The following MYO19 variants were observed in gnomAD, a reference collection of about 807,000 sequenced individuals.
MYO19 encodes unconventional myosin-XIX.
MYO19 carries 132 observed loss-of-function variants against 129.2 expected under a neutral mutation model. The observed-to-expected ratio is 1.02, with a 90% CI of 0.89 to 1.18. The LOEUF (loss-of-function observed/expected upper bound fraction) is 1.18. Among genes scored for constraint, MYO19 ranks in the 50% most tolerant of loss-of-function variants. MYO19 has a pLI of 0.00. For synonymous variants in MYO19, 531 were observed against 477.2 expected, an observed-to-expected ratio of 1.11 and a Z score of -1.47; for missense variants, 1,210 against 1,216.7, an observed-to-expected ratio of 0.99 and a Z score of 0.08.
intron 19 of MYO19, 25 bp downstream of exon 19, chr17:36,505,272 G>A: frequency 6.3e-7 from 1 of 1,599,700 alleles, no homozygotes; most frequent in South Asian, 1.1e-5. Context: ...TTGGTGCGAA[G>A]CAGCTTTGGC....
At chr17:36,505,830 C>G (rs1281959916) in intron 18 of MYO19, among the ~76,000 whole-genome samples, 1 of 152,242 alleles carries the variant, frequency 6.6e-6, no homozygotes, top group Admixed American at 6.5e-5. Context: ...CATGTCAGAG[C>G]TCACTCCAAT....
chr17:36,539,598 C>T (rs995673130), upstream of MYO19, among the ~76,000 whole-genome samples: 36 of 125,084 alleles, frequency 2.9e-4, no homozygotes, highest in Non-Finnish European at 5.3e-4. Flanking sequence ...ACAGTGAGAC[C>T]CTGTCTACAA....
intron 5 of MYO19, among the ~76,000 whole-genome samples, chr17:36,526,329 C>G (rs1404530394): frequency 6.6e-6 from 1 of 152,144 alleles, no homozygotes; most frequent in Non-Finnish European, 1.5e-5. Flanking sequence ...ACAAACAACC[C>G]TGGCTTTCTC....
upstream of MYO19, among the ~76,000 whole-genome samples, chr17:36,539,463 C>A (rs2074184047): frequency 2.0e-5 from 3 of 151,930 alleles, no homozygotes; most frequent in Admixed American, 1.3e-4. Flanking sequence ...TGAAGTCAGA[C>A]AGTTAAATGC....
chr17:36,511,842 C>T (rs1163327722), intron 11 of MYO19, among the ~76,000 whole-genome samples: 1 of 152,186 alleles, frequency 6.6e-6, no homozygotes, highest in Non-Finnish European at 1.5e-5. Context: ...GGGGGCAGGG[C>T]TGCTTCTGTG....
At chr17:36,506,417 G>C in intron 18 of MYO19, 39 bp downstream of exon 18, 1 of 1,613,064 alleles carries the variant, frequency 6.2e-7, no homozygotes, top group Non-Finnish European at 8.5e-7. Flanking sequence ...AGACCGTGGA[G>C]TTTGAACCAA....
At chr17:36,515,526 C>A (rs545439279) in intron 7 of MYO19, among the ~76,000 whole-genome samples, 1 of 152,350 alleles carries the variant, frequency 6.6e-6, no homozygotes, top group Admixed American at 6.5e-5. Flanking sequence ...AAACACTAAT[C>A]ACCTTGTATC....
upstream of MYO19, chr17:36,538,027 C>G: frequency 6.2e-7 from 1 of 1,614,096 alleles, no homozygotes; most frequent in Non-Finnish European, 8.5e-7. Context: ...ATAATCTCTA[C>G]CCTGGGGTAT....
At chr17:36,521,843 C>T (rs540236215) in intron 6 of MYO19, among the ~76,000 whole-genome samples, 48 of 151,648 alleles carry the variant, frequency 3.2e-4, no homozygotes, top group African/African-American at 1.1e-3. Context: ...TCATCTTGGC[C>T]AACATGGTGA....
chr17:36,515,748 C>A, intron 7 of MYO19, 110 bp downstream of exon 7: 1 of 1,249,980 alleles, frequency 8.0e-7, no homozygotes, highest in South Asian at 1.5e-5. Flanking sequence ...ATACACTCAT[C>A]CTCCACCCCC....
At chr17:36,504,196 C>G in intron 19 of MYO19, 176 bp from the exon 20 acceptor site, 1 of 524,884 alleles carries the variant, frequency 1.9e-6, no homozygotes, top group Non-Finnish European at 3.3e-6. Flanking sequence ...ACCTTGAAAA[C>G]AAATCTCCCA....
intron 6 of MYO19, among the ~76,000 whole-genome samples, chr17:36,517,625 T>C (rs1203905532): frequency 6.6e-6 from 1 of 152,192 alleles, no homozygotes. Flanking sequence ...ATTTTATTCA[T>C]CTTTACTTTT....
intron 5 of MYO19, among the ~76,000 whole-genome samples, chr17:36,526,701 A>G (rs1221557971): frequency 6.6e-6 from 1 of 152,176 alleles, no homozygotes; most frequent in South Asian, 2.1e-4. Flanking sequence ...AGCCTGGCCA[A>G]CATGGTGAAA....
intron 9 of MYO19, 82 bp downstream of exon 9, chr17:36,514,364 C>A: frequency 1.1e-6 from 1 of 878,634 alleles, no homozygotes; most frequent in Admixed American, 1.8e-5. Flanking sequence ...AGGTATGGAG[C>A]ATTCTGGGGA....
At position 36,503,119 on chromosome 17, in the gene MYO19, TGGGCTGTCG is replaced by T. The variant is rs768848078; in HGVS notation, c.2049_2057del (p.Asp684_Pro686del). The stretch of plus-strand genomic sequence containing the variant: ...CACCAGGGAGCCCTTTGGCAGGATA[TGGGCTGTCG>T]GGGCCAGAGGATGTGCAAGGATGAA... On this transcript the variant is annotated inframe_deletion, in exon 21 of 26. Transcript: ENST00000614623. 2.5e-4 allele frequency: 402 copies of T among 1,614,008 alleles called. 1 individual carries two copies. Among genetic ancestry groups the T allele is most frequent in the Non-Finnish European group, 3.2e-4 (377 of 1,179,856 alleles).
chr17:36,537,925 C>A, upstream of MYO19: 1 of 1,614,046 alleles, frequency 6.2e-7, no homozygotes, highest in Non-Finnish European at 8.5e-7. Context: ...TACCAGCTAG[C>A]CCTTGACTTT....
At chr17:36,502,950 T>C in intron 21 of MYO19, 147 bp downstream of exon 21, 3 of 687,520 alleles carry the variant, frequency 4.4e-6, no homozygotes, top group Non-Finnish European at 7.7e-6. Context: ...TATTTGTCTT[T>C]TTTGAATCTG....
rs568498997 is a variant in MYO19 at position 36,511,301 on chromosome 17, C to T, written c.985+64G>A. The stretch of plus-strand genomic sequence containing the variant: ...AATTTTCACCATCCAGCCTTCCACC[C>T]AACCCCAGCAATGCTGGCTACCTTC... On this transcript the variant is annotated intron_variant, in intron 12 of 25. Coordinates refer to ENST00000614623, the MANE Select transcript of MYO19 (RefSeq NM_001163735.2). The T allele has an allele frequency of 2.4e-5, 36 of 1,514,644 alleles. No individual in the cohort carries two copies. In the Admixed American group the frequency reaches 6.3e-4, roughly 26 times the overall value. The allele number at this position is 1,514,644 out of a possible 1,614,324, so 93.8% of individuals were successfully genotyped here.
intron 7 of MYO19, among the ~76,000 whole-genome samples, chr17:36,515,486 G>A (rs943774615): frequency 6.6e-6 from 1 of 152,196 alleles, no homozygotes; most frequent in African/African-American, 2.4e-5. Flanking sequence ...CTTTAGACAG[G>A]AAGGCACATC....
Sources: allele counts gnomAD v4.1 joint callset (sites outside exome capture counted in the v4.1 genomes callset), GRCh38; gene constraint gnomAD v4.1.1; transcripts MANE v1.5; gene names NCBI Gene and HGNC (gene_info 2026-07-23, HGNC 2026-07-21).